GRAMD1B: variants seen among roughly 807,000 people sequenced by gnomAD.
GRAMD1B encodes the protein GRAM domain containing 1B.
GRAMD1B carries 37 observed loss-of-function variants against 99.7 expected under a neutral mutation model. The ratio of observed to expected loss-of-function variants is 0.37; its 90% CI spans 0.29 to 0.49. The LOEUF is 0.49. GRAMD1B is among the 20% of genes least tolerant of loss of function. The pLI is 0.98. For missense variants in GRAMD1B, 888 were observed against 1,009.2 expected, an observed-to-expected ratio of 0.88 and a Z score of 1.63; for synonymous variants, 427 against 387.6, an observed-to-expected ratio of 1.10 and a Z score of -1.19.
intron 1 of GRAMD1B, among the ~76,000 whole-genome samples, chr11:123,380,153 C>T (rs976882048): frequency 6.6e-6 from 1 of 152,078 alleles, no homozygotes; most frequent in Non-Finnish European, 1.5e-5. Context: ...TGATGGTATC[C>T]TTTGAAACAC....
chr11:123,595,835 G>C, intron 6 of GRAMD1B, 107 bp from the exon 7 acceptor site: 1 of 616,338 alleles, frequency 1.6e-6, no homozygotes, highest in Non-Finnish European at 2.9e-6. Context: ...TTATAAATAT[G>C]TGATCTGATT....
chr11:123,578,284 G>T, intron 3 of GRAMD1B: 1 of 752,302 alleles, frequency 1.3e-6, no homozygotes, highest in Non-Finnish European at 2.3e-6. Flanking sequence ...CCTGGGAAGG[G>T]GTTGGGGACC....
intron 2 of GRAMD1B, among the ~76,000 whole-genome samples, chr11:123,568,759 G>A (rs1565386429): frequency 1.3e-5 from 2 of 152,134 alleles, no homozygotes; most frequent in African/African-American, 4.8e-5. Context: ...GAACTTCTAT[G>A]CTGTAGGGAA....
Position 123,510,516 on chromosome 11 carries a change from C to T in GRAMD1B, c.452+29623C>T. 6.6e-6 allele frequency among the ~76,000 whole-genome samples: 1 copy of T among 152,140 alleles called. No homozygotes were observed. Among genetic ancestry groups the T allele is most frequent in the South Asian group, 2.1e-4 (1 of 4,826 alleles). ...CAGACTCTGACCTCTTACCCAGAAA[C>T]TGAGGAAGTCCCAGGGGGCCAGAGA... On this transcript the variant is annotated intron_variant, in intron 2 of 19. Transcript: ENST00000635736. This position sits in a 1 kb window ranked among gnomAD's most constrained non-coding sequence, Gnocchi z 4.3.
intron 7 of GRAMD1B, among the ~76,000 whole-genome samples, chr11:123,596,369 A>G (rs1951271805): frequency 6.6e-6 from 1 of 152,258 alleles, no homozygotes; most frequent in Non-Finnish European, 1.5e-5. Context: ...TCTTGAAATA[A>G]TATCACATAT....
At chr11:123,519,384 T>C (rs904098738) in intron 2 of GRAMD1B, among the ~76,000 whole-genome samples, 3 of 152,190 alleles carry the variant, frequency 2.0e-5, no homozygotes, top group Non-Finnish European at 4.4e-5. Context: ...ACACAGGCTC[T>C]CTATTGAGTG....
intron 2 of GRAMD1B, among the ~76,000 whole-genome samples, chr11:123,537,806 T>C (rs116912913): frequency 0.021 from 3,229 of 152,322 alleles, 52 homozygotes; most frequent in Non-Finnish European, 0.034. Flanking sequence ...TTCTCCTTTT[T>C]ACAAAAATCT....
At chr11:123,369,343 C>T (rs977120163) in intron 1 of GRAMD1B, among the ~76,000 whole-genome samples, 1 of 151,902 alleles carries the variant, frequency 6.6e-6, no homozygotes, top group Non-Finnish European at 1.5e-5. Context: ...TTTATCAATA[C>T]ATAAGAAATA....
chr11:123,556,669 C>G lies in GRAMD1B; in HGVS notation c.453-20698C>G, dbSNP rs1591984376. On this transcript the variant is annotated intron_variant, in intron 2 of 19. Coordinates refer to ENST00000635736, the MANE Select transcript of GRAMD1B (RefSeq NM_001387025.1). ...GGTTTAATTCAGAGAAAGGTACCCA[C>G]TTTTACCTCAATTTCCTAAATTCAT... 1.3e-5 allele frequency among the ~76,000 whole-genome samples: 2 copies of G among 152,308 alleles called. 1 individual carries two copies. The highest frequency in any genetic ancestry group is 4.1e-4 in the South Asian group (2 of 4,826).
chr11:123,546,992 T>C (rs1365676408), intron 2 of GRAMD1B, among the ~76,000 whole-genome samples: 3 of 152,150 alleles, frequency 2.0e-5, no homozygotes, highest in Non-Finnish European at 4.4e-5. Context: ...TGTCAACCTG[T>C]CTTGAGAGAA....
At chr11:123,593,886 C>T (rs1466045749) in intron 4 of GRAMD1B, among the ~76,000 whole-genome samples, 196 bp from the exon 5 acceptor site, 1 of 152,162 alleles carries the variant, frequency 6.6e-6, no homozygotes, top group Non-Finnish European at 1.5e-5. Flanking sequence ...CATAGTGTTT[C>T]CCAGCACCAG....
chr11:123,579,228 GAAC>G (rs1470324510), intron 3 of GRAMD1B, among the ~76,000 whole-genome samples: 1 of 152,222 alleles, frequency 6.6e-6, no homozygotes, highest in Admixed American at 6.5e-5. Context: ...AGGTGTTGTG[GAAC>G]AACAAGGCCC....
intron 1 of GRAMD1B, among the ~76,000 whole-genome samples, chr11:123,408,207 T>C (rs930486348): frequency 3.3e-5 from 5 of 152,200 alleles, no homozygotes; most frequent in Non-Finnish European, 7.4e-5. Flanking sequence ...ACTTAACGCT[T>C]TCTCAGCCAC....
chr11:123,416,961 C>T (rs1300409878), intron 1 of GRAMD1B, among the ~76,000 whole-genome samples: 2 of 152,150 alleles, frequency 1.3e-5, no homozygotes, highest in Admixed American at 6.5e-5. Flanking sequence ...AGTGGTGAAT[C>T]CAGGATTTGA....
intron 2 of GRAMD1B, among the ~76,000 whole-genome samples, chr11:123,530,575 T>G (rs1943250548): frequency 6.6e-6 from 1 of 152,138 alleles, no homozygotes; most frequent in Admixed American, 6.6e-5. Flanking sequence ...GAGACGGGGT[T>G]TCACCATGTT....
chr11:123,413,769 G>A (rs984722535), intron 1 of GRAMD1B, among the ~76,000 whole-genome samples: 12 of 147,570 alleles, frequency 8.1e-5, no homozygotes, highest in African/African-American at 2.7e-4. Flanking sequence ...GCAAGCTCCC[G>A]ATGGGAGGCA....
intron 1 of GRAMD1B, among the ~76,000 whole-genome samples, chr11:123,384,507 C>G (rs1946992874): frequency 6.6e-6 from 1 of 152,196 alleles, no homozygotes; most frequent in African/African-American, 2.4e-5. Flanking sequence ...TTCTTGCACA[C>G]AAGTGTAGAT....
chr11:123,559,831 T>C (rs982466080), intron 2 of GRAMD1B: 8 of 281,230 alleles, frequency 2.8e-5, no homozygotes, highest in Non-Finnish European at 3.8e-5. Context: ...GTCTCAGTGC[T>C]GGCCTCCTCT....
rs1313963578 is a variant in GRAMD1B, at chr11:123,623,714, G to A, written c.*1119G>A. The A allele has an allele frequency of 6.6e-6, 1 of 152,232 alleles. No individual in the cohort carries two copies. The highest frequency in any genetic ancestry group is 2.4e-5 in the African/African-American group (1 of 41,462). The allele number at this position is 152,232 out of a possible 1,614,324, so 9.4% of individuals were successfully genotyped here. Reference sequence around the variant, plus strand: ...TTAGCCAGTGGAGACGACTGTCTGAGACAGTTTGCACATAGAAAAAGCATC... The same window carrying A: ...TTAGCCAGTGGAGACGACTGTCTGAAACAGTTTGCACATAGAAAAAGCATC... On this transcript the variant is annotated 3_prime_UTR_variant, in exon 20 of 20. Transcript: ENST00000635736.
Sources: allele counts gnomAD v4.1 joint callset (sites outside exome capture counted in the v4.1 genomes callset), GRCh38; gene constraint gnomAD v4.1.1; non-coding constraint Gnocchi (gnomAD v3.1); transcripts MANE v1.5; gene names NCBI Gene and HGNC (gene_info 2026-07-23, HGNC 2026-07-21).